The following ZC3H12D variants were observed in gnomAD, a reference collection of about 807,000 sequenced individuals.
ZC3H12D encodes zinc finger CCCH-type containing 12D, also known as probable ribonuclease ZC3H12D.
In ZC3H12D, 11 loss-of-function variants were observed where a neutral mutation model predicts 24.2. The ratio of observed to expected loss-of-function variants is 0.46; its 90% CI spans 0.29 to 0.75. The LOEUF is 0.75. Ranked by LOEUF, ZC3H12D falls within the 30% of genes least tolerant of loss-of-function variation. ZC3H12D has a pLI of 0.11. For synonymous variants in ZC3H12D, 333 were observed against 341.8 expected (o/e 0.97, Z 0.28); for missense variants, 740 against 767.7 (o/e 0.96, Z 0.43).
At chr6:149,462,010 G>C (rs1219235621) in intron 2 of ZC3H12D, 40 bp from the exon 3 acceptor site, 1 of 1,589,876 alleles carries the variant, frequency 6.3e-7, no homozygotes, top group African/African-American at 1.3e-5. Flanking sequence ...GACACAGCAA[G>C]TGTTCCTAAG....
chr6:149,464,591 G>A (rs1481959774), intron 2 of ZC3H12D, among the ~76,000 whole-genome samples: 1 of 152,178 alleles, frequency 6.6e-6, no homozygotes, highest in Non-Finnish European at 1.5e-5. Flanking sequence ...CCATCCAGGG[G>A]ATTGCCTGGG....
chr6:149,462,398 A>C (rs536556950), intron 2 of ZC3H12D, among the ~76,000 whole-genome samples: 75 of 136,664 alleles, frequency 5.5e-4, no homozygotes, highest in African/African-American at 1.6e-3. Flanking sequence ...CAAAACAAAA[A>C]AAAACCACAC....
In ZC3H12D at chr6:149,450,871, A is replaced by C. The variant is rs1169145006; in HGVS notation, c.1396T>G (p.Ser466Ala). The C allele has an allele frequency of 3.9e-5, 60 of 1,542,400 alleles. No homozygotes were observed. Among genetic ancestry groups the C allele is most frequent in the Non-Finnish European group, 4.8e-5 (55 of 1,146,612 alleles). ...TCGTCGTCCTCGGTCGCGTACACTG[A>C]AAGTCCCCCAGTGGCGCCGTCGCCC... The part of the protein sequence containing the change: ...AWGDGATGGL[S>A]VYATEDDEGD... Residue 466 changes from serine (S) to alanine (A), a missense_variant, in exon 6 of 6, where the codon TCA becomes GCA. By Grantham distance (99) the Ser-to-Ala change is moderately conservative. Transcript: ENST00000409806.
At position 149,452,404 on chromosome 6, in the gene ZC3H12D, G is replaced by A; in HGVS notation, c.787+212C>T. On this transcript the variant is annotated intron_variant, in intron 5 of 5. Transcript: ENST00000409806. This position sits in a 1 kb window ranked among gnomAD's most constrained non-coding sequence, Gnocchi z 4.0. ...GACCCCTGCATCCGACCCTGGCATGGGATCCTGGCTCCCATGAAATCACCG... is the reference window on the plus strand; with the variant it reads ...GACCCCTGCATCCGACCCTGGCATGAGATCCTGGCTCCCATGAAATCACCG... 2.1e-6 allele frequency: 1 copy of A among 482,520 alleles called. No homozygotes were observed. The highest frequency in any genetic ancestry group is 3.6e-6 in the Non-Finnish European group (1 of 277,772). The allele number at this position is 482,520 out of a possible 1,614,324, so 29.9% of individuals were successfully genotyped here. A position where few individuals can be genotyped will look rare whatever the true frequency, so the allele number is the denominator to read the frequency against.
intron 2 of ZC3H12D, among the ~76,000 whole-genome samples, chr6:149,464,105 G>C (rs892630140): frequency 6.6e-6 from 1 of 152,220 alleles, no homozygotes; most frequent in Non-Finnish European, 1.5e-5. Flanking sequence ...CTCGCCTGGA[G>C]AGAAAGTGAG....
chr6:149,462,817 G>C (rs1015903488), intron 2 of ZC3H12D, among the ~76,000 whole-genome samples: 3 of 152,178 alleles, frequency 2.0e-5, no homozygotes, highest in Non-Finnish European at 2.9e-5. Flanking sequence ...TTCAGCTTTT[G>C]GACTGTTGGA....
intron 3 of ZC3H12D, among the ~76,000 whole-genome samples, chr6:149,458,719 A>C (rs950826640): frequency 1.3e-5 from 2 of 152,228 alleles, no homozygotes; most frequent in Non-Finnish European, 2.9e-5. Context: ...TTACATACCC[A>C]ACACAGCACA....
chr6:149,456,841 T>C lies in ZC3H12D; in HGVS notation c.505A>G (p.Lys169Glu). Reference protein sequence around the residue: ...QAVLVYTPSRKVHGKRLVCYD... With the variant: ...QAVLVYTPSREVHGKRLVCYD... Reference sequence around the variant, plus strand: ...CAGACCAGGCGCTTGCCGTGCACCTTGCGGGACGGCGTGTACACCAGCACC... The same window carrying C: ...CAGACCAGGCGCTTGCCGTGCACCTCGCGGGACGGCGTGTACACCAGCACC... The change falls in exon 4 of 6, where the codon AAG becomes GAG. Residue 169 changes from lysine to glutamate, a missense_variant. Lys to Glu is a moderately conservative substitution (Grantham distance 56). Coordinates refer to ENST00000409806, the MANE Select transcript of ZC3H12D (RefSeq NM_207360.3). This position sits in a 1 kb window ranked among gnomAD's most constrained non-coding sequence, Gnocchi z 4.3. The C allele has an allele frequency of 6.2e-7, 1 of 1,610,274 alleles. No homozygotes were observed. Among genetic ancestry groups the C allele is most frequent in the Non-Finnish European group, 8.5e-7 (1 of 1,179,724 alleles).
At chr6:149,461,109 G>A (rs1776065398) in intron 3 of ZC3H12D, among the ~76,000 whole-genome samples, 1 of 152,154 alleles carries the variant, frequency 6.6e-6, no homozygotes, top group African/African-American at 2.4e-5. Context: ...TTGGGAGTTC[G>A]AGGTGGGCGG....
chr6:149,472,140 T>A (rs1362545526), intron 2 of ZC3H12D, among the ~76,000 whole-genome samples: 1 of 152,170 alleles, frequency 6.6e-6, no homozygotes, highest in African/African-American at 2.4e-5. Context: ...ATGAGTCCTG[T>A]TAAAAGTCCC....
intron 3 of ZC3H12D, among the ~76,000 whole-genome samples, chr6:149,458,144 T>TC: frequency 7.6e-6 from 1 of 131,972 alleles, no homozygotes; most frequent in African/African-American, 2.9e-5. Flanking sequence ...TTTTTTTTTT[T>TC]TTTTTTTTTG....
At chr6:149,468,578 G>A (rs753999286) in intron 2 of ZC3H12D, among the ~76,000 whole-genome samples, 5 of 152,200 alleles carry the variant, frequency 3.3e-5, no homozygotes, top group Non-Finnish European at 7.3e-5. Context: ...AGCTGCTCTT[G>A]CCACTCTGTT....
intron 1 of ZC3H12D, among the ~76,000 whole-genome samples, chr6:149,483,908 G>T (rs75314961): frequency 6.6e-6 from 1 of 152,152 alleles, no homozygotes; most frequent in South Asian, 2.1e-4. Flanking sequence ...ACCACATCAC[G>T]TTTATCTATT....
chr6:149,456,613 C>A lies in ZC3H12D; in HGVS notation c.680+53G>T, dbSNP rs764849648. ...AGCAGGCGTGGCCACTGCCTCGACC[C>A]CGGCCCCCCGCCCCGCCGCCCCCCA... On this transcript the variant is annotated intron_variant, in intron 4 of 5. Coordinates refer to ENST00000409806, the MANE Select transcript of ZC3H12D (RefSeq NM_207360.3). This position sits in a 1 kb window ranked among gnomAD's most constrained non-coding sequence, Gnocchi z 4.3. 8.4e-7 allele frequency: 1 copy of A among 1,191,488 alleles called. No homozygotes were observed. Among genetic ancestry groups the A allele is most frequent in the East Asian group, 2.5e-5 (1 of 40,464 alleles). The allele number at this position is 1,191,488 out of a possible 1,614,324, so 73.8% of individuals were successfully genotyped here.
intron 1 of ZC3H12D, among the ~76,000 whole-genome samples, chr6:149,478,467 T>C (rs1776375844): frequency 6.6e-6 from 1 of 152,222 alleles, no homozygotes; most frequent in Non-Finnish European, 1.5e-5. Flanking sequence ...ATTGGTTTAT[T>C]ATTATGTAGA....
chr6:149,454,094 C>T (rs1775942450), intron 4 of ZC3H12D, among the ~76,000 whole-genome samples: 1 of 152,180 alleles, frequency 6.6e-6, no homozygotes, highest in African/African-American at 2.4e-5. Flanking sequence ...GACTTAACCT[C>T]CTCCTCTGCG....
At chr6:149,463,157 C>T (rs1265484924) in intron 2 of ZC3H12D, among the ~76,000 whole-genome samples, 3 of 152,136 alleles carry the variant, frequency 2.0e-5, no homozygotes, top group African/African-American at 7.2e-5. Flanking sequence ...ATAGGAGTAG[C>T]CATCTACAGA....
intron 2 of ZC3H12D, among the ~76,000 whole-genome samples, chr6:149,466,289 G>C (rs1158230850): frequency 6.6e-6 from 1 of 151,438 alleles, no homozygotes; most frequent in African/African-American, 2.4e-5. Flanking sequence ...GAGATGGGAG[G>C]GGGCGGAGAG....
Position 149,448,283 on chromosome 6 carries a change from C to T in ZC3H12D, c.*2400G>A, listed in dbSNP as rs1239987773. On this transcript the variant is annotated 3_prime_UTR_variant, in exon 6 of 6. Transcript: ENST00000409806. The stretch of plus-strand genomic sequence containing the variant: ...CTCCAGCCTGGGTGACAGAGCGAGA[C>T]TCCGTTTCAAAAATAATAATAATAA... 1 of 150,292 alleles carries T rather than the reference C, an allele frequency of 6.7e-6. No individual in the cohort carries two copies. Among genetic ancestry groups the T allele is most frequent in the South Asian group, 2.1e-4 (1 of 4,714 alleles). 9.3% of individuals were successfully genotyped at this position (150,292 alleles called of 1,614,324 possible).
Sources: gnomAD v4.1 joint callset for allele counts (sites outside exome capture counted in the v4.1 genomes callset) on GRCh38, gnomAD v4.1.1 for gene constraint, Gnocchi (gnomAD v3.1) non-coding constraint, MANE v1.5 for transcripts, NCBI Gene and HGNC (gene_info 2026-07-23, HGNC 2026-07-21) for gene names.